Variants in ANKRD55 observed in about 807,000 individuals in gnomAD.
ANKRD55 encodes the protein ankyrin repeat domain-containing protein 55.
Under a neutral mutation model 60.6 loss-of-function variants are expected in ANKRD55, and 41 were observed. That is an observed-to-expected ratio of 0.68 (90% CI 0.53 to 0.88). The LOEUF (loss-of-function observed/expected upper bound fraction) is 0.88, where lower values mean the gene tolerates loss of function less well. Ranked by LOEUF, ANKRD55 falls within the 40% of genes least tolerant of loss-of-function variation. The pLI, the probability that ANKRD55 is intolerant of heterozygous loss-of-function variation, is 0.00. For missense variants in ANKRD55, 732 were observed against 767.6 expected, an observed-to-expected ratio of 0.95 and a Z score of 0.55; for synonymous variants, 264 against 290.3, an observed-to-expected ratio of 0.91 and a Z score of 0.92.
At chr5:56,159,175 T>A (rs771646449) in intron 6 of ANKRD55, among the ~76,000 whole-genome samples, 64 of 152,304 alleles carry the variant, frequency 4.2e-4, no homozygotes, top group Admixed American at 6.5e-4. Context: ...AGAGAGCATG[T>A]CTTAGGCTGA....
intron 7 of ANKRD55, among the ~76,000 whole-genome samples, chr5:56,136,318 A>G (rs1466465478): frequency 1.3e-5 from 2 of 152,216 alleles, no homozygotes; most frequent in Non-Finnish European, 2.9e-5. Context: ...GATAGTGGAG[A>G]ACAAAGTTGG....
intron 2 of ANKRD55, among the ~76,000 whole-genome samples, chr5:56,229,919 T>A (rs1380033373): frequency 6.6e-6 from 1 of 152,138 alleles, no homozygotes; most frequent in African/African-American, 2.4e-5. Flanking sequence ...TGAACCTCTC[T>A]GTGCTTTAGT....
At chr5:56,174,651 G>A (rs1006581243) in intron 4 of ANKRD55, among the ~76,000 whole-genome samples, 1 of 152,028 alleles carries the variant, frequency 6.6e-6, no homozygotes, top group African/African-American at 2.4e-5. Context: ...GGCCAACATG[G>A]TGAAACCCTG....
chr5:56,122,321 C>G (rs149021482), intron 8 of ANKRD55, among the ~76,000 whole-genome samples: 3 of 152,066 alleles, frequency 2.0e-5, no homozygotes, highest in Admixed American at 6.6e-5. Context: ...TGAAAAGGTA[C>G]TGGACGTTTG....
chr5:56,164,803 T>C (rs368211172), intron 5 of ANKRD55, among the ~76,000 whole-genome samples: 1 of 152,070 alleles, frequency 6.6e-6, no homozygotes, highest in Non-Finnish European at 1.5e-5. Flanking sequence ...GGGTTCAAAG[T>C]AGGAAGGGGA....
At chr5:56,121,860 A>G (rs1276317825) in intron 8 of ANKRD55, among the ~76,000 whole-genome samples, 2 of 152,120 alleles carry the variant, frequency 1.3e-5, no homozygotes, top group African/African-American at 2.4e-5. Flanking sequence ...TTAGACCCTG[A>G]ATTTTTTTAA....
chr5:56,210,423 G>A (rs1300320395), intron 2 of ANKRD55, among the ~76,000 whole-genome samples: 1 of 151,868 alleles, frequency 6.6e-6, no homozygotes, highest in Non-Finnish European at 1.5e-5. Context: ...TTAGCCGGGT[G>A]CGGTGGCGGG....
At chr5:56,107,405 T>C (rs1295952725) in intron 10 of ANKRD55, among the ~76,000 whole-genome samples, 1 of 152,226 alleles carries the variant, frequency 6.6e-6, no homozygotes, top group Admixed American at 6.5e-5. Context: ...TTTCATTGTG[T>C]AAGTGAGCAA....
chr5:56,140,688 T>C (rs1301564585), intron 7 of ANKRD55, among the ~76,000 whole-genome samples: 1 of 152,160 alleles, frequency 6.6e-6, no homozygotes, highest in Non-Finnish European at 1.5e-5. Flanking sequence ...TTAGCACCCA[T>C]TAATATGAAT....
intron 6 of ANKRD55, among the ~76,000 whole-genome samples, chr5:56,154,558 A>G (rs574670175): frequency 1.3e-5 from 2 of 151,138 alleles, no homozygotes; most frequent in South Asian, 4.2e-4. Context: ...CAAAAACGGA[A>G]TTACAGCAGA....
chr5:56,149,736 G>GT (rs972087017), intron 6 of ANKRD55, among the ~76,000 whole-genome samples: 3 of 151,008 alleles, frequency 2.0e-5, no homozygotes, highest in Non-Finnish European at 3.0e-5. Flanking sequence ...CTTTTGGGAG[G>GT]TTTTTTTTTG....
In ANKRD55 at chr5:56,164,984, C is replaced by T. The variant is rs377140695; in HGVS notation, c.423-5091G>A. ...TGTTCAGGAGTTGTTTCCATCTGAG[C>T]ACTAAAATCCCTCTGGAGGCAAAGG... On this transcript the variant is annotated intron_variant, in intron 5 of 11. Transcript: ENST00000341048. Among the ~76,000 whole-genome samples, 22 of 152,298 alleles carry T rather than the reference C, an allele frequency of 1.4e-4. No individual in the cohort carries two copies. The East Asian group carries it at 2.1e-3, about 15-fold the overall frequency.
intron 11 of ANKRD55, among the ~76,000 whole-genome samples, 176 bp downstream of exon 11, chr5:56,102,318 A>C (rs985333418): frequency 5.9e-5 from 9 of 151,602 alleles, no homozygotes; most frequent in Non-Finnish European, 1.0e-4. Context: ...TGAACCTGGG[A>C]GGTGGAGGTT....
chr5:56,159,739 G>C, intron 6 of ANKRD55, 94 bp downstream of exon 6: 2 of 1,250,806 alleles, frequency 1.6e-6, no homozygotes, highest in East Asian at 2.3e-5. Flanking sequence ...ATGTCTCCCC[G>C]TAGCTTTTAA....
At chr5:56,167,455 G>A (rs1209576372) in intron 5 of ANKRD55, among the ~76,000 whole-genome samples, 3 of 152,204 alleles carry the variant, frequency 2.0e-5, no homozygotes, top group Admixed American at 6.5e-5. Context: ...ATTATGCAGC[G>A]TGTGACTCTA....
intron 2 of ANKRD55, among the ~76,000 whole-genome samples, chr5:56,184,073 G>A (rs76931642): frequency 0.031 from 4,783 of 152,266 alleles, 271 homozygotes; most frequent in African/African-American, 0.11. Flanking sequence ...GATGTGGAGG[G>A]TGAGGCAGCC....
chr5:56,208,672 C>T (rs1360186779), intron 2 of ANKRD55, among the ~76,000 whole-genome samples: 1 of 152,214 alleles, frequency 6.6e-6, no homozygotes, highest in Non-Finnish European at 1.5e-5. Context: ...GATCTGCTCG[C>T]CTTGGCCTCC....
intron 2 of ANKRD55, among the ~76,000 whole-genome samples, chr5:56,230,342 C>T (rs935559567): frequency 1.3e-5 from 2 of 152,194 alleles, no homozygotes; most frequent in Non-Finnish European, 2.9e-5. Flanking sequence ...ATCTGCCCAC[C>T]TCGGCCTCCC....
chr5:56,217,474 C>T (rs1759841214), intron 2 of ANKRD55, among the ~76,000 whole-genome samples: 2 of 152,068 alleles, frequency 1.3e-5, no homozygotes, highest in Non-Finnish European at 2.9e-5. Flanking sequence ...AGGCTATAGC[C>T]TCCATAGATA....
Sources: gnomAD v4.1 joint callset for allele counts (sites outside exome capture counted in the v4.1 genomes callset) on GRCh38, gnomAD v4.1.1 for gene constraint, MANE v1.5 for transcripts, NCBI Gene and HGNC (gene_info 2026-07-23, HGNC 2026-07-21) for gene names.